Variants in CACHD1 observed in about 807,000 individuals in gnomAD.
CACHD1 encodes the protein VWFA and cache domain-containing protein 1.
Under a neutral mutation model 138.7 loss-of-function variants are expected in CACHD1, and 71 were observed. That is an observed-to-expected ratio of 0.51 (90% CI 0.42 to 0.62). CACHD1 has a LOEUF of 0.62. CACHD1 is among the 20% of genes least tolerant of loss of function. CACHD1 has a pLI of 0.00. For missense variants in CACHD1, 1,389 were observed against 1,625.3 expected (o/e 0.85, Z 2.50); for synonymous variants, 578 against 591.5 (o/e 0.98, Z 0.33).
intron 26 of CACHD1, among the ~76,000 whole-genome samples, chr1:64,687,373 A>C (rs577075119): frequency 6.6e-6 from 1 of 152,286 alleles, no homozygotes; most frequent in South Asian, 2.1e-4. Context: ...ATTTCCATTA[A>C]TGATTGAAAT....
intron 9 of CACHD1, among the ~76,000 whole-genome samples, chr1:64,649,976 G>A (rs759020820): frequency 2.6e-5 from 4 of 152,122 alleles, no homozygotes; most frequent in Non-Finnish European, 5.9e-5. Context: ...CTTGATTCTA[G>A]GGAAACCCAT....
chr1:64,645,102 A>G (rs1342609655), intron 8 of CACHD1, among the ~76,000 whole-genome samples: 2 of 152,334 alleles, frequency 1.3e-5, no homozygotes, highest in African/African-American at 4.8e-5. Flanking sequence ...GTCTCAAAAA[A>G]TAAAATAAAT....
At chr1:64,642,705 C>A (rs1648758941) in intron 8 of CACHD1, among the ~76,000 whole-genome samples, 1 of 151,822 alleles carries the variant, frequency 6.6e-6, no homozygotes, top group South Asian at 2.1e-4. Flanking sequence ...ATCTTTAGGC[C>A]CATTGCCCTC....
chr1:64,638,291 G>A (rs1648589835), intron 7 of CACHD1, among the ~76,000 whole-genome samples: 1 of 152,156 alleles, frequency 6.6e-6, no homozygotes, highest in African/African-American at 2.4e-5. Context: ...TGTTTTAGGT[G>A]CCACATGTGA....
intron 1 of CACHD1, among the ~76,000 whole-genome samples, chr1:64,530,423 GA>G (rs546485543): frequency 3.3e-5 from 5 of 151,732 alleles, no homozygotes; most frequent in African/African-American, 1.2e-4. Context: ...TACACATCTG[GA>G]AAAAAAAGTT....
At chr1:64,663,268 C>T (rs974213781) in intron 13 of CACHD1, among the ~76,000 whole-genome samples, 13 of 145,680 alleles carry the variant, frequency 8.9e-5, no homozygotes, top group East Asian at 2.0e-4. Context: ...GATATTAAGC[C>T]GCCGCCGGGC....
At chr1:64,616,953 T>G (rs1367483983) in intron 4 of CACHD1, among the ~76,000 whole-genome samples, 1 of 151,836 alleles carries the variant, frequency 6.6e-6, no homozygotes, top group African/African-American at 2.4e-5. Flanking sequence ...TACTGATAAC[T>G]TAGGATATAG....
chr1:64,653,438 T>A (rs1475175391), intron 10 of CACHD1, among the ~76,000 whole-genome samples: 3 of 151,930 alleles, frequency 2.0e-5, no homozygotes, highest in Non-Finnish European at 4.4e-5. Flanking sequence ...ATCTTTTTTT[T>A]ATTAAATTGT....
intron 1 of CACHD1, among the ~76,000 whole-genome samples, chr1:64,489,044 C>T (rs1646259102): frequency 6.6e-6 from 1 of 152,046 alleles, no homozygotes; most frequent in African/African-American, 2.4e-5. Context: ...GAGATTTTTG[C>T]TTGATGGATG....
intron 2 of CACHD1, among the ~76,000 whole-genome samples, chr1:64,571,843 T>A (rs939455754): frequency 2.6e-5 from 4 of 152,126 alleles, no homozygotes; most frequent in African/African-American, 9.7e-5. Flanking sequence ...TGTGACAAGA[T>A]ATTATTTGCA....
intron 5 of CACHD1, among the ~76,000 whole-genome samples, chr1:64,629,740 G>A (rs998738514): frequency 6.6e-6 from 1 of 152,088 alleles, no homozygotes; most frequent in African/African-American, 2.4e-5. Context: ...GTCAAATTGT[G>A]TGAAGCACCT....
chr1:64,587,847 T>A (rs1557507287), intron 3 of CACHD1, among the ~76,000 whole-genome samples: 1 of 152,228 alleles, frequency 6.6e-6, no homozygotes, highest in Non-Finnish European at 1.5e-5. Flanking sequence ...ATATCTGATC[T>A]ACAGGCATAT....
At chr1:64,502,589 A>G (rs1646346689) in intron 1 of CACHD1, among the ~76,000 whole-genome samples, 1 of 145,004 alleles carries the variant, frequency 6.9e-6, no homozygotes, top group Admixed American at 6.7e-5. Flanking sequence ...TTGTTTTCAG[A>G]TAATAGGTAC....
At chr1:64,500,667 A>C (rs1439887970) in intron 1 of CACHD1, among the ~76,000 whole-genome samples, 1 of 150,760 alleles carries the variant, frequency 6.6e-6, no homozygotes, top group Non-Finnish European at 1.5e-5. Flanking sequence ...AGTTTGAGCA[A>C]CACAGCAAGA....
chr1:64,689,134 T>C (rs1439848608), intron 26 of CACHD1, among the ~76,000 whole-genome samples: 2 of 152,134 alleles, frequency 1.3e-5, no homozygotes, highest in Non-Finnish European at 2.9e-5. Flanking sequence ...CCCATCCAAG[T>C]ACTAACCAGG....
intron 2 of CACHD1, among the ~76,000 whole-genome samples, chr1:64,577,547 G>A (rs11208469): frequency 0.12 from 18,009 of 152,102 alleles, 1,249 homozygotes; most frequent in Admixed American, 0.21. Context: ...TTGAATCCCA[G>A]CCCTACCACT....
chr1:64,497,165 T>A (rs767510245), intron 1 of CACHD1, among the ~76,000 whole-genome samples: 5 of 152,196 alleles, frequency 3.3e-5, no homozygotes, highest in Non-Finnish European at 7.3e-5. Flanking sequence ...TTATAGTGCC[T>A]CCAACACTAA....
At chr1:64,663,640 G>A in intron 13 of CACHD1, 55 bp from the exon 14 acceptor site, 1 of 1,605,856 alleles carries the variant, frequency 6.2e-7, no homozygotes, top group Admixed American at 1.7e-5. Context: ...GCCTTTGTTT[G>A]GGATGAGATA....
At chr1:64,663,597 C>T (rs1649522990) in intron 13 of CACHD1, 98 bp from the exon 14 acceptor site, 1 of 1,393,422 alleles carries the variant, frequency 7.2e-7, no homozygotes, top group Non-Finnish European at 9.8e-7. Context: ...CATTAAGCCA[C>T]CATAGCTGAC....
Sources: gnomAD v4.1 joint callset for allele counts (sites outside exome capture counted in the v4.1 genomes callset) on GRCh38, gnomAD v4.1.1 for gene constraint, MANE v1.5 for transcripts, NCBI Gene and HGNC (gene_info 2026-07-23, HGNC 2026-07-21) for gene names.